Variants in TPM1 observed in about 807,000 individuals in gnomAD.
TPM1 encodes the protein tropomyosin 1, also known as tropomyosin alpha-1 chain.
Under a neutral mutation model 42.9 loss-of-function variants are expected in TPM1, and 24 were observed. That is an observed-to-expected ratio of 0.56 (90% CI 0.41 to 0.79). TPM1 has a LOEUF of 0.79. Among genes scored for constraint, TPM1 ranks in the 30% least tolerant of loss-of-function variants. The pLI is 0.00. For synonymous variants in TPM1, 136 were observed against 130.1 expected, an observed-to-expected ratio of 1.05 and a Z score of -0.31; for missense variants, 158 against 351.8, an observed-to-expected ratio of 0.45 and a Z score of 4.41.
chr15:63,055,879 T>C (rs190390142), intron 2 of TPM1: 44 of 152,332 alleles, frequency 2.9e-4, no homozygotes, highest in Admixed American at 2.5e-3. Context: ...AGCAACAATT[T>C]CTTATGACAG....
exon 9 of TPM1, chr15:63,071,452 CAGA>C (rs751263215): frequency 2.7e-4 from 111 of 412,398 alleles, no homozygotes; most frequent in African/African-American, 4.5e-4. Flanking sequence ...CTCACTAAAG[CAGA>C]AGAAGTTCCA....
intron 2 of TPM1, chr15:63,048,146 C>A (rs1242360519): frequency 4.6e-6 from 2 of 439,144 alleles, no homozygotes; most frequent in Non-Finnish European, 9.1e-6. Flanking sequence ...CAGCAGGAGT[C>A]GCTATTGCCC....
chr15:63,050,104 C>G (rs768772991), intron 2 of TPM1, among the ~76,000 whole-genome samples: 13 of 152,206 alleles, frequency 8.5e-5, no homozygotes, highest in Non-Finnish European at 1.9e-4. Flanking sequence ...AAAGGAGTTA[C>G]TATGTAAAGA....
At chr15:63,054,382 G>A (rs777080137) in intron 2 of TPM1, 4 of 152,304 alleles carry the variant, frequency 2.6e-5, no homozygotes, top group African/African-American at 4.8e-5. Context: ...GGGAAAGAAT[G>A]GGGGTGGGGG....
At chr15:63,069,434 C>T (rs958402291), downstream of TPM1, among the ~76,000 whole-genome samples, 3 of 152,102 alleles carry the variant, frequency 2.0e-5, no homozygotes, top group Non-Finnish European at 4.4e-5. Flanking sequence ...CAGCACTGGG[C>T]AGGTTGATGT....
chr15:63,057,306 A>G (rs1001307424), intron 3 of TPM1, among the ~76,000 whole-genome samples, 188 bp downstream of exon 3: 1 of 152,244 alleles, frequency 6.6e-6, no homozygotes, highest in Non-Finnish European at 1.5e-5. Context: ...TACTATGTCC[A>G]AAGCACTGTC....
intron 2 of TPM1, among the ~76,000 whole-genome samples, chr15:63,053,051 A>G (rs2034189312): frequency 6.6e-6 from 1 of 152,178 alleles, no homozygotes; most frequent in African/African-American, 2.4e-5. Flanking sequence ...TTAACCTCAA[A>G]GCCCCTCTGC....
downstream of TPM1, chr15:63,070,207 CTTGT>C: frequency 1.6e-6 from 2 of 1,245,482 alleles, no homozygotes; most frequent in Non-Finnish European, 2.0e-6. Context: ...AGCAGGTCCT[CTTGT>C]TTGAACTGAT....
intron 2 of TPM1, among the ~76,000 whole-genome samples, chr15:63,051,147 A>G (rs1280966690): frequency 1.3e-5 from 2 of 152,184 alleles, no homozygotes; most frequent in Non-Finnish European, 2.9e-5. Flanking sequence ...GGCAGGATGA[A>G]TCTTCCTTTC....
At chr15:63,066,420 G>A (rs747685576), downstream of TPM1, among the ~76,000 whole-genome samples, 2 of 152,204 alleles carry the variant, frequency 1.3e-5, no homozygotes, top group Admixed American at 6.5e-5. Context: ...ATTGCTTGTT[G>A]AGAGTTGAAA....
intron 1 of TPM1, 40 bp downstream of exon 1, chr15:63,042,983 C>A: frequency 6.5e-7 from 1 of 1,540,912 alleles, no homozygotes; most frequent in Non-Finnish European, 8.8e-7. Context: ...CCCAGAGCGC[C>A]GGGACTCGAG....
At chr15:63,048,000 G>A (rs1297246182) in intron 2 of TPM1, 1 of 289,298 alleles carries the variant, frequency 3.5e-6, no homozygotes, top group African/African-American at 2.4e-5. Context: ...TTTGGGGAAT[G>A]GGGGTAGTGC....
Position 63,056,976 on chromosome 15 carries a change from T to C in TPM1, c.241-9T>C, listed in dbSNP as rs377417143. The C allele has an allele frequency of 1.7e-5, 28 of 1,614,040 alleles. No individual in the cohort carries two copies. The East Asian group carries it at 4.7e-4, about 27-fold the overall frequency. On this transcript the variant is annotated splice_polypyrimidine_tract_variant and intron_variant, in intron 2 of 9. Coordinates refer to ENST00000403994, the MANE Select transcript of TPM1 (RefSeq NM_001018005.2). ...CCCAACTCTGAAATGCTTTTCACTC[T>C]CTACCTAGGCTGAAGCCGACGTAGC...
At chr15:63,056,930 A>G (rs2034896321) in intron 2 of TPM1, 55 bp from the exon 3 acceptor site, 2 of 1,613,086 alleles carry the variant, frequency 1.2e-6, no homozygotes, top group East Asian at 2.2e-5. Flanking sequence ...CATTTCCTGA[A>G]GCTACCACCC....
chr15:63,051,565 T>C (rs1235106513), intron 2 of TPM1, among the ~76,000 whole-genome samples: 2 of 151,926 alleles, frequency 1.3e-5, no homozygotes, highest in Admixed American at 1.3e-4. Flanking sequence ...TTCCTTACCA[T>C]ATAAGGGCAG....
At chr15:63,054,171 A>T (rs944407713) in intron 2 of TPM1, among the ~76,000 whole-genome samples, 2 of 151,996 alleles carry the variant, frequency 1.3e-5, no homozygotes, top group African/African-American at 4.8e-5. Flanking sequence ...CATTCCTCCC[A>T]CTATATCACA....
intron 2 of TPM1, chr15:63,044,733 AGAT>A (rs911021805): frequency 2.9e-5 from 5 of 175,232 alleles, no homozygotes; most frequent in Non-Finnish European, 6.2e-5. Context: ...CTGCCTGGGA[AGAT>A]GATACTTGCT....
intron 2 of TPM1, among the ~76,000 whole-genome samples, chr15:63,050,337 C>G (rs1009274865): frequency 6.6e-6 from 1 of 152,096 alleles, no homozygotes; most frequent in Admixed American, 6.6e-5. Flanking sequence ...AGTGGGCGGG[C>G]TGGTAGGCAT....
At chr15:63,043,580 C>T in intron 1 of TPM1, 1 of 1,427,012 alleles carries the variant, frequency 7.0e-7, no homozygotes, top group Non-Finnish European at 9.5e-7. Flanking sequence ...TACCTCGGGT[C>T]CTTTGCACTC....
Sources: gnomAD v4.1 joint callset for allele counts (sites outside exome capture counted in the v4.1 genomes callset) on GRCh38, gnomAD v4.1.1 for gene constraint, MANE v1.5 for transcripts, NCBI Gene and HGNC (gene_info 2026-07-23, HGNC 2026-07-21) for gene names.